ANO1: variants seen among roughly 807,000 people sequenced by gnomAD.
ANO1 encodes the protein anoctamin-1.
Under a neutral mutation model 124.0 loss-of-function variants are expected in ANO1, and 59 were observed. The ratio of observed to expected loss-of-function variants is 0.48; its 90% CI spans 0.39 to 0.59. The LOEUF is 0.59. ANO1 is among the 20% of genes least tolerant of loss of function. The pLI is 0.00. For synonymous variants in ANO1, 529 were observed against 532.0 expected (o/e 0.99, Z 0.08); for missense variants, 1,059 against 1,328.0 (o/e 0.80, Z 3.15).
intron 1 of ANO1, among the ~76,000 whole-genome samples, chr11:70,034,152 C>A (rs557223479): frequency 6.6e-6 from 1 of 152,190 alleles, no homozygotes; most frequent in Admixed American, 6.5e-5. Context: ...TGCATATGAA[C>A]CATAAAGCCT....
intron 1 of ANO1, among the ~76,000 whole-genome samples, chr11:69,991,680 T>C (rs935549996): frequency 6.6e-6 from 1 of 152,202 alleles, no homozygotes; most frequent in Admixed American, 6.5e-5. Context: ...TAAACAGACA[T>C]AGATGCATCT....
Position 70,174,781 on chromosome 11 carries a change from G to A in ANO1, c.2350+3742G>A, listed in dbSNP as rs139385021. The stretch of plus-strand genomic sequence containing the variant: ...CTCTGAAAACCTCACCCTGTATACC[G>A]AAGACCCCAAAAGGGGACCCTGGGT... On this transcript the variant is annotated intron_variant, in intron 22 of 25. Transcript: ENST00000355303. Among the ~76,000 whole-genome samples the A allele has an allele frequency of 4.1e-3, 630 of 152,210 alleles. 1 individual carries two copies. The highest frequency in any genetic ancestry group is 8.8e-3 in the Admixed American group (135 of 15,280).
At chr11:70,075,411 G>A (rs1033179441), upstream of ANO1, 7 of 151,622 alleles carry the variant, frequency 4.6e-5, no homozygotes, top group Admixed American at 3.9e-4. Flanking sequence ...ATACAGAGAA[G>A]ATTAGTATGG....
intron 1 of ANO1, among the ~76,000 whole-genome samples, chr11:70,086,019 G>A (rs972465709): frequency 6.6e-6 from 1 of 152,238 alleles, no homozygotes; most frequent in Non-Finnish European, 1.5e-5. Context: ...ACAGGTGCTC[G>A]GGCCCTGCCT....
intron 1 of ANO1, among the ~76,000 whole-genome samples, chr11:69,994,475 T>A (rs1388784540): frequency 6.6e-6 from 1 of 151,870 alleles, no homozygotes; most frequent in South Asian, 2.1e-4. Flanking sequence ...GATAGACAGA[T>A]AAAAGGAGGG....
At chr11:69,973,646 G>C in the ANO1 span, among the ~76,000 whole-genome samples, 14 of 152,114 alleles carry the variant, frequency 9.2e-5, no homozygotes, top group Non-Finnish European at 1.8e-4. Flanking sequence ...GGCCGAAGCG[G>C]GTGGATCACA....
In ANO1 at chr11:70,165,361, T is replaced by G. The variant is rs182804098; in HGVS notation, c.1951-109T>G. 1.5e-5 allele frequency: 13 copies of G among 895,072 alleles called. No homozygotes were observed. The African/African-American group carries it at 2.0e-4, about 14-fold the overall frequency. 55.4% of individuals were successfully genotyped at this position (895,072 alleles called of 1,614,324 possible). A position where few individuals can be genotyped will look rare whatever the true frequency, so the allele number is the denominator to read the frequency against. ...CGGGGATTAGAACCTGAGCGTCTTT[T>G]TTTGGAGGACGCAGGTCAACCCACA... On this transcript the variant is annotated intron_variant, in intron 19 of 25. Coordinates refer to ENST00000355303, the MANE Select transcript of ANO1 (RefSeq NM_018043.7).
chr11:70,104,841 C>T (rs1033486048), intron 4 of ANO1, among the ~76,000 whole-genome samples: 11 of 152,242 alleles, frequency 7.2e-5, no homozygotes, highest in South Asian at 4.1e-4. Context: ...GGGTCGGGGG[C>T]ATGGAAAAGC....
At chr11:70,161,592 G>T in intron 17 of ANO1, 30 bp from the exon 18 acceptor site, 1 of 1,608,116 alleles carries the variant, frequency 6.2e-7, no homozygotes, top group Non-Finnish European at 8.5e-7. Context: ...CCCAGCCACA[G>T]CCTCAGTATC....
At chr11:70,086,111 G>A (rs1168231784) in intron 1 of ANO1, among the ~76,000 whole-genome samples, 1 of 152,232 alleles carries the variant, frequency 6.6e-6, no homozygotes, top group Non-Finnish European at 1.5e-5. Flanking sequence ...GTGCCCTAGG[G>A]AGCGTCCTCA....
At chr11:70,101,521 A>C (rs2045272793) in intron 2 of ANO1, among the ~76,000 whole-genome samples, 1 of 144,980 alleles carries the variant, frequency 6.9e-6, no homozygotes, top group South Asian at 2.3e-4. Context: ...ACGCCACTGC[A>C]TTCCAGCCTG....
Position 70,155,282 on chromosome 11 carries a change from C to T in ANO1, c.1426-629C>T, listed in dbSNP as rs1009401231. On this transcript the variant is annotated intron_variant, in intron 14 of 25. Coordinates refer to ENST00000355303, the MANE Select transcript of ANO1 (RefSeq NM_018043.7). ...CCACCTCTTGGATACAGGGTCCCTC[C>T]GCCTCTGTGGCCCGTGGCTTGGTTT... Among the ~76,000 whole-genome samples the T allele has an allele frequency of 4.6e-5, 7 of 152,236 alleles. No homozygotes were observed. The South Asian group carries it at 6.2e-4, about 13-fold the overall frequency.
intron 1 of ANO1, among the ~76,000 whole-genome samples, chr11:70,080,539 T>C (rs1233470481): frequency 6.6e-6 from 1 of 152,150 alleles, no homozygotes; most frequent in Admixed American, 6.5e-5. Context: ...GACCTGATGG[T>C]GAACTGAATG....
intron 11 of ANO1, among the ~76,000 whole-genome samples, chr11:70,143,657 CA>C (rs1324142174): frequency 1.3e-5 from 2 of 152,146 alleles, no homozygotes; most frequent in Non-Finnish European, 2.9e-5. Context: ...CCCAGATTCC[CA>C]GACCCACACT....
rs772927396 is a variant in ANO1, at chr11:70,078,742, G to T, written c.108+28G>T. 3 of 1,413,846 alleles carry T rather than the reference G, an allele frequency of 2.1e-6. No individual in the cohort carries two copies. In the South Asian group the frequency reaches 3.9e-5, roughly 19 times the overall value. 87.6% of individuals were successfully genotyped at this position (1,413,846 alleles called of 1,614,324 possible). A position where few individuals can be genotyped will look rare whatever the true frequency, so the allele number is the denominator to read the frequency against. On this transcript the variant is annotated intron_variant, in intron 1 of 25. Coordinates refer to ENST00000355303, the MANE Select transcript of ANO1 (RefSeq NM_018043.7). ...GAGTGCGGGCGGCCGCGACCCGGGC[G>T]GGAGGGCCGCGCACCTGCGCCTTGG...
At chr11:70,141,291 GCACA>G (rs1276802152) in intron 11 of ANO1, among the ~76,000 whole-genome samples, 1 of 152,186 alleles carries the variant, frequency 6.6e-6, no homozygotes, top group Non-Finnish European at 1.5e-5. Flanking sequence ...GTTCTTCACT[GCACA>G]CCTAGTGCCT....
rs200636852 is a variant in ANO1, at chr11:70,187,796, A to T, written c.2753A>T (p.Asp918Val). 108 of 1,609,624 alleles carry T rather than the reference A, an allele frequency of 6.7e-5. No individual in the cohort carries two copies. Among genetic ancestry groups the T allele is most frequent in the Non-Finnish European group, 7.1e-5 (84 of 1,178,266 alleles). ...TGGGTCATCCCGGACATCCCCAAGGACATCAGCCAGCAGATCCACAAGGAG... is the reference window on the plus strand; with the variant it reads ...TGGGTCATCCCGGACATCCCCAAGGTCATCAGCCAGCAGATCCACAAGGAG... ...VDWVIPDIPKDISQQIHKEKV... is the reference protein window; with the variant it reads ...VDWVIPDIPKVISQQIHKEKV... The change falls in exon 26 of 26, where the codon GAC becomes GTC. Residue 918 changes from aspartate to valine, a missense_variant. Coordinates refer to ENST00000355303, the MANE Select transcript of ANO1 (RefSeq NM_018043.7).
intron 6 of ANO1, among the ~76,000 whole-genome samples, chr11:70,110,790 G>A (rs2045746288): frequency 6.6e-6 from 1 of 152,228 alleles, no homozygotes; most frequent in Admixed American, 6.5e-5. Context: ...GCCCCCGCCT[G>A]GCTGGGCCCC....
intron 2 of ANO1, 68 bp downstream of exon 2, chr11:70,088,152 C>G: frequency 2.5e-6 from 2 of 784,392 alleles, no homozygotes; most frequent in South Asian, 2.5e-5. Flanking sequence ...AGTAGGGGGG[C>G]AGCTGCTTCC....
Sources: gnomAD v4.1 joint callset for allele counts (sites outside exome capture counted in the v4.1 genomes callset) on GRCh38, gnomAD v4.1.1 for gene constraint, MANE v1.5 for transcripts, NCBI Gene and HGNC (gene_info 2026-07-23, HGNC 2026-07-21) for gene names.